WDR41: variants seen among roughly 807,000 people sequenced by gnomAD.
WDR41 encodes the protein WD repeat domain 41.
A neutral mutation model predicts 69.3 loss-of-function variants in WDR41; 63 were observed. The observed-to-expected ratio is 0.91, with a 90% CI of 0.74 to 1.12. The LOEUF is 1.12. Among genes scored for constraint, WDR41 ranks in the 50% most tolerant of loss-of-function variants. The probability of loss-of-function intolerance (pLI) is 0.00; values close to 1 mark genes in which losing one functional copy is unlikely to be tolerated. For synonymous variants in WDR41, 185 were observed against 192.1 expected, an observed-to-expected ratio of 0.96 and a Z score of 0.31; for missense variants, 543 against 534.5, an observed-to-expected ratio of 1.02 and a Z score of -0.16.
Position 77,433,363 on chromosome 5 carries a change from C to T in WDR41, c.1228-76G>A, listed in dbSNP as rs560903118. ...GTCTAATACCACATTAACACATGTG[C>T]GTGTGAGATATGTGCCTTAAAGACT... On this transcript the variant is annotated intron_variant, in intron 12 of 12. Coordinates refer to ENST00000296679, the MANE Select transcript of WDR41 (RefSeq NM_018268.4). 21 of 1,394,112 alleles carry T rather than the reference C, an allele frequency of 1.5e-5. No individual in the cohort carries two copies. The Middle Eastern group carries it at 6.6e-4, about 44-fold the overall frequency. 86.4% of individuals were successfully genotyped at this position (1,394,112 alleles called of 1,614,324 possible). A position where few individuals can be genotyped will look rare whatever the true frequency, so the allele number is the denominator to read the frequency against.
intron 1 of WDR41, among the ~76,000 whole-genome samples, chr5:77,587,678 A>C (rs1278060040): frequency 4.6e-5 from 7 of 152,170 alleles, no homozygotes; most frequent in Non-Finnish European, 8.8e-5. Flanking sequence ...AGTACCTCAG[A>C]ATGTGATTGT....
chr5:77,541,179 G>A (rs1579999975), intron 1 of WDR41, among the ~76,000 whole-genome samples: 1 of 152,068 alleles, frequency 6.6e-6, no homozygotes, highest in African/African-American at 2.4e-5. Context: ...TTATAAAATG[G>A]GAGAAAATTT....
chr5:77,543,601 G>A (rs1263497388), intron 1 of WDR41, among the ~76,000 whole-genome samples: 1 of 151,976 alleles, frequency 6.6e-6, no homozygotes, highest in African/African-American at 2.4e-5. Flanking sequence ...ATCCAAGAAA[G>A]ACAAAGAAAA....
chr5:77,607,824 A>G (rs1459909828), intron 1 of WDR41, among the ~76,000 whole-genome samples: 1 of 152,236 alleles, frequency 6.6e-6, no homozygotes, highest in East Asian at 1.9e-4. Context: ...CTGACTTTGT[A>G]TACATTTTAA....
chr5:77,453,763 GC>G (rs1218094571), intron 6 of WDR41, 53 bp downstream of exon 6: 1 of 1,398,432 alleles, frequency 7.2e-7, no homozygotes, highest in African/African-American at 1.4e-5. Context: ...CTGAAGATCT[GC>G]TGTGTCTTCT....
intron 1 of WDR41, among the ~76,000 whole-genome samples, chr5:77,556,411 CTGTT>C (rs976954402): frequency 1.4e-4 from 21 of 151,688 alleles, no homozygotes; most frequent in East Asian, 3.9e-4. Context: ...GACTGACTGA[CTGTT>C]TGTTTGTTTT....
chr5:77,448,792 C>CG (rs1561734574), intron 8 of WDR41, among the ~76,000 whole-genome samples: 1 of 151,832 alleles, frequency 6.6e-6, no homozygotes, highest in African/African-American at 2.4e-5. Flanking sequence ...CGCTTGAACC[C>CG]GGGGGGCAGA....
intron 5 of WDR41, among the ~76,000 whole-genome samples, chr5:77,456,340 G>A (rs1463055457): frequency 6.6e-6 from 1 of 152,124 alleles, no homozygotes; most frequent in Non-Finnish European, 1.5e-5. Flanking sequence ...TATTCTTTTG[G>A]ATGCAACTGT....
intron 2 of WDR41, among the ~76,000 whole-genome samples, chr5:77,471,017 T>C (rs1336076277): frequency 6.6e-6 from 1 of 152,182 alleles, no homozygotes; most frequent in Admixed American, 6.5e-5. Flanking sequence ...ATTGACCACA[T>C]AGTTGGAAGT....
intron 1 of WDR41, among the ~76,000 whole-genome samples, chr5:77,607,874 A>G: frequency 6.6e-6 from 1 of 151,958 alleles, no homozygotes; most frequent in Non-Finnish European, 1.5e-5. Context: ...CTCTAATTCT[A>G]CTCCTTCCAT....
At chr5:77,516,788 G>A (rs1802296925) in intron 1 of WDR41, among the ~76,000 whole-genome samples, 1 of 152,168 alleles carries the variant, frequency 6.6e-6, no homozygotes, top group African/African-American at 2.4e-5. Context: ...GGAGGCCGAG[G>A]CGGGTGGATC....
chr5:77,472,109 C>G (rs545161650), intron 2 of WDR41, among the ~76,000 whole-genome samples: 1 of 152,314 alleles, frequency 6.6e-6, no homozygotes, highest in African/African-American at 2.4e-5. Context: ...GGATGCAAGG[C>G]TGGTTCAATA....
chr5:77,537,228 G>C (rs866683425), intron 1 of WDR41, among the ~76,000 whole-genome samples: 1 of 152,122 alleles, frequency 6.6e-6, no homozygotes, highest in Non-Finnish European at 1.5e-5. Context: ...CATTGCGTTC[G>C]GAAAATGTGA....
At chr5:77,615,232 A>T (rs6868386) in intron 1 of WDR41, among the ~76,000 whole-genome samples, 1 of 152,210 alleles carries the variant, frequency 6.6e-6, no homozygotes, top group African/African-American at 2.4e-5. Context: ...ACCTGACTCA[A>T]ACTAACTCTA....
Position 77,492,316 on chromosome 5 carries a change from T to A in WDR41, c.-96A>T. ...CCTTCCTCCCCGGCTGCAGCGCAACTGAGACGCTAATACTTCCCGCCCCAG... is the reference window on the plus strand; with the variant it reads ...CCTTCCTCCCCGGCTGCAGCGCAACAGAGACGCTAATACTTCCCGCCCCAG... On this transcript the variant is annotated 5_prime_UTR_variant, in exon 1 of 13. Transcript: ENST00000296679. 6.6e-7 allele frequency: 1 copy of A among 1,517,680 alleles called. No individual in the cohort carries two copies. Among genetic ancestry groups the A allele is most frequent in the Non-Finnish European group, 9.0e-7 (1 of 1,114,472 alleles). 94.0% of individuals were successfully genotyped at this position (1,517,680 alleles called of 1,614,324 possible).
At chr5:77,500,218 C>A (rs1801997028) in intron 1 of WDR41, among the ~76,000 whole-genome samples, 1 of 152,106 alleles carries the variant, frequency 6.6e-6, no homozygotes, top group South Asian at 2.1e-4. Context: ...AACATTAAAA[C>A]ACAATGTATC....
At chr5:77,449,387 T>C (rs758195271) in intron 8 of WDR41, among the ~76,000 whole-genome samples, 2 of 152,200 alleles carry the variant, frequency 1.3e-5, no homozygotes, top group Non-Finnish European at 2.9e-5. Context: ...TGATATTGTA[T>C]GGTGTGGACA....
rs1002447063 is a variant in WDR41, at chr5:77,431,937, A to G, written c.*1198T>C. ...TTAGAGCTGCTTGGTGATACTGGGC[A>G]CTACAGATTTAATTGCAAGGCCTTA... On this transcript the variant is annotated 3_prime_UTR_variant, in exon 13 of 13. Transcript: ENST00000296679. The G allele has an allele frequency of 1.3e-5, 2 of 152,140 alleles. No homozygotes were observed. Among genetic ancestry groups the G allele is most frequent in the Admixed American group, 6.5e-5 (1 of 15,270 alleles). 9.4% of individuals were successfully genotyped at this position (152,140 alleles called of 1,614,324 possible). A position where few individuals can be genotyped will look rare whatever the true frequency, so the allele number is the denominator to read the frequency against.
intron 1 of WDR41, among the ~76,000 whole-genome samples, chr5:77,534,731 G>C (rs1443111599): frequency 6.6e-6 from 1 of 152,016 alleles, no homozygotes; most frequent in Non-Finnish European, 1.5e-5. Flanking sequence ...ACACTGACCT[G>C]GCCTCAAAAC....
Sources: gnomAD v4.1 joint callset for allele counts (sites outside exome capture counted in the v4.1 genomes callset) on GRCh38, gnomAD v4.1.1 for gene constraint, MANE v1.5 for transcripts, NCBI Gene and HGNC (gene_info 2026-07-23, HGNC 2026-07-21) for gene names.